CSMD1: variants seen among roughly 807,000 people sequenced by gnomAD.
CSMD1 encodes CUB and sushi domain-containing protein 1.
In CSMD1, 213 loss-of-function variants were observed where a neutral mutation model predicts 417.5. The observed-to-expected ratio is 0.51, with a 90% CI of 0.46 to 0.57. The LOEUF (loss-of-function observed/expected upper bound fraction) is 0.57, where lower values mean the gene tolerates loss of function less well. Among genes scored for constraint, CSMD1 ranks in the 20% least tolerant of loss-of-function variants. CSMD1 has a pLI of 0.00. For missense variants in CSMD1, 6,923 were observed against 4,529.7 expected (o/e 1.53, Z -15.17); for synonymous variants, 2,862 against 1,736.8 (o/e 1.65, Z -16.11).
chr8:4,689,308 G>C (rs921416171), intron 1 of CSMD1, among the ~76,000 whole-genome samples: 7 of 152,034 alleles, frequency 4.6e-5, no homozygotes, highest in African/African-American at 1.7e-4. Context: ...GGTATATTTG[G>C]GTTTTGCTAG....
At chr8:4,713,990 C>G (rs1362867052) in intron 1 of CSMD1, among the ~76,000 whole-genome samples, 3 of 151,940 alleles carry the variant, frequency 2.0e-5, no homozygotes, top group East Asian at 3.9e-4. Flanking sequence ...ACTAAAACTA[C>G]AAAAATTAGC....
chr8:3,946,075 A>G (rs1811204405), intron 5 of CSMD1, among the ~76,000 whole-genome samples: 1 of 152,152 alleles, frequency 6.6e-6, no homozygotes, highest in African/African-American at 2.4e-5. Context: ...CGTAAAGTGT[A>G]ATGGTGATCT....
At chr8:4,180,686 G>C (rs1159313526) in intron 3 of CSMD1, among the ~76,000 whole-genome samples, 5 of 152,134 alleles carry the variant, frequency 3.3e-5, no homozygotes, top group Non-Finnish European at 7.4e-5. Flanking sequence ...TGAAAGGCAA[G>C]GTAGCTCACT....
At chr8:3,028,248 T>C (rs1414732541) in intron 51 of CSMD1, among the ~76,000 whole-genome samples, 1 of 152,178 alleles carries the variant, frequency 6.6e-6, no homozygotes, top group Non-Finnish European at 1.5e-5. Flanking sequence ...TGACTCCTTC[T>C]CCTAATCTCT....
At chr8:3,051,947 G>C (rs866025611) in intron 50 of CSMD1, among the ~76,000 whole-genome samples, 1 of 152,044 alleles carries the variant, frequency 6.6e-6, no homozygotes, top group African/African-American at 2.4e-5. Context: ...TAGCTTTCTC[G>C]AAAACTTACC....
intron 3 of CSMD1, among the ~76,000 whole-genome samples, chr8:4,213,261 G>GTC (rs1450564268): frequency 1.3e-5 from 2 of 152,144 alleles, no homozygotes; most frequent in African/African-American, 4.8e-5. Context: ...GTCAGCAAGT[G>GTC]AGGCGGGGTC....
Position 3,574,990 on chromosome 8 carries a change from A to G in CSMD1, c.1299T>C (p.Asp433=), listed in dbSNP as rs1267255643. ...TGATGACCCACACACAGTGTGCATT[A>G]TCTTCATACTGAACCGGATAATTAG... ...TSPNYPVQYE[D]NAHCVWVITT... is the part of the protein sequence containing the mutation. Residue 433 remains aspartate, a synonymous_variant, in exon 10 of 70, where the codon GAT becomes GAC. Coordinates refer to ENST00000635120, the MANE Select transcript of CSMD1 (RefSeq NM_033225.6). The G allele has an allele frequency of 6.2e-7, 1 of 1,613,272 alleles. No individual in the cohort carries two copies. The highest frequency in any genetic ancestry group is 8.5e-7 in the Non-Finnish European group (1 of 1,179,786).
At chr8:4,033,226 G>A (rs560261605) in intron 3 of CSMD1, among the ~76,000 whole-genome samples, 77 of 151,438 alleles carry the variant, frequency 5.1e-4, no homozygotes, top group South Asian at 3.6e-3. Context: ...GGATCGTGAG[G>A]TCAAGAGATC....
intron 41 of CSMD1, among the ~76,000 whole-genome samples, chr8:3,132,900 C>T (rs1005746893): frequency 6.6e-6 from 1 of 152,206 alleles, no homozygotes; most frequent in Non-Finnish European, 1.5e-5. Flanking sequence ...CACTCCCAGC[C>T]TTCTGTGCTC....
intron 6 of CSMD1, among the ~76,000 whole-genome samples, chr8:3,750,675 T>C (rs1797295001): frequency 6.6e-6 from 1 of 152,142 alleles, no homozygotes; most frequent in South Asian, 2.1e-4. Flanking sequence ...TGACAGAAGG[T>C]TTCACATTTG....
At chr8:3,972,549 A>T (rs1038279464) in intron 5 of CSMD1, among the ~76,000 whole-genome samples, 1 of 152,200 alleles carries the variant, frequency 6.6e-6, no homozygotes, top group Non-Finnish European at 1.5e-5. Context: ...GTGTGACCAC[A>T]TATTGCTCAC....
At chr8:4,241,400 T>G (rs924632741) in intron 3 of CSMD1, among the ~76,000 whole-genome samples, 1 of 152,180 alleles carries the variant, frequency 6.6e-6, no homozygotes, top group African/African-American at 2.4e-5. Context: ...CTTAAGTACT[T>G]GCTAACCCCA....
chr8:3,049,403 A>T (rs2128987898), intron 50 of CSMD1, among the ~76,000 whole-genome samples: 1 of 152,280 alleles, frequency 6.6e-6, no homozygotes, highest in African/African-American at 2.4e-5. Context: ...TTCAGTACTA[A>T]AAAGAAATGA....
At chr8:3,163,344 T>C (rs916022283) in intron 37 of CSMD1, among the ~76,000 whole-genome samples, 1 of 151,972 alleles carries the variant, frequency 6.6e-6, no homozygotes, top group African/African-American at 2.4e-5. Context: ...ATCAGATTAC[T>C]TAATTGACTG....
At chr8:3,945,904 C>A (rs565287620) in intron 5 of CSMD1, among the ~76,000 whole-genome samples, 9 of 152,222 alleles carry the variant, frequency 5.9e-5, no homozygotes, top group African/African-American at 1.9e-4. Context: ...TGACTATTCA[C>A]TCAAGACGTG....
chr8:3,500,134 G>C (rs141516409), intron 10 of CSMD1, among the ~76,000 whole-genome samples: 1 of 152,094 alleles, frequency 6.6e-6, no homozygotes, highest in East Asian at 1.9e-4. Flanking sequence ...CGCACTTCAC[G>C]TTCATCTTTA....
At chr8:4,123,818 C>A (rs1000055981) in intron 3 of CSMD1, among the ~76,000 whole-genome samples, 3 of 152,034 alleles carry the variant, frequency 2.0e-5, no homozygotes, top group Admixed American at 6.6e-5. Flanking sequence ...GAACTAAGTT[C>A]AAGTGAGGAC....
chr8:3,104,855 G>C (rs1342208471), intron 46 of CSMD1, among the ~76,000 whole-genome samples: 1 of 152,036 alleles, frequency 6.6e-6, no homozygotes, highest in Non-Finnish European at 1.5e-5. Context: ...TTACAGGCAT[G>C]CGCCACCACG....
In CSMD1 at chr8:3,404,798, T is replaced by C. The variant is rs181092857; in HGVS notation, c.2266+1229A>G. 2.0e-3 allele frequency among the ~76,000 whole-genome samples: 300 copies of C among 152,276 alleles called. 1 individual carries two copies. Among genetic ancestry groups the C allele is most frequent in the Admixed American group, 4.4e-3 (67 of 15,284 alleles). On this transcript the variant is annotated intron_variant, in intron 15 of 69. Transcript: ENST00000635120. ...GTGCCTGCATCCTCTGTTTTTCACATGCTAAGGACACCTGAGACGCTTTGA... is the reference window on the plus strand; with the variant it reads ...GTGCCTGCATCCTCTGTTTTTCACACGCTAAGGACACCTGAGACGCTTTGA...
Sources: gnomAD v4.1 joint callset for allele counts (sites outside exome capture counted in the v4.1 genomes callset) on GRCh38, gnomAD v4.1.1 for gene constraint, MANE v1.5 for transcripts, NCBI Gene and HGNC (gene_info 2026-07-23, HGNC 2026-07-21) for gene names.